The following EML6 variants were observed in gnomAD, a reference collection of about 807,000 sequenced individuals.
EML6 encodes EMAP like 6.
In EML6, 154 loss-of-function variants were observed where a neutral mutation model predicts 240.1. The ratio of observed to expected loss-of-function variants is 0.64; its 90% CI spans 0.56 to 0.73. EML6 has a LOEUF of 0.73. Among genes scored for constraint, EML6 ranks in the 30% least tolerant of loss-of-function variants. The probability of loss-of-function intolerance (pLI) is 0.00; values close to 1 mark genes in which losing one functional copy is unlikely to be tolerated. For synonymous variants in EML6, 1,148 were observed against 899.0 expected (o/e 1.28, Z -4.95); for missense variants, 2,964 against 2,474.6 (o/e 1.20, Z -4.20).
intron 28 of EML6, among the ~76,000 whole-genome samples, chr2:54,946,474 C>T (rs889750458): frequency 6.6e-6 from 1 of 152,230 alleles, no homozygotes; most frequent in Non-Finnish European, 1.5e-5. Context: ...TTCAGAGTCC[C>T]ATTTCTGATG....
chr2:54,789,786 T>G (rs1347191532), intron 2 of EML6, among the ~76,000 whole-genome samples: 2 of 152,214 alleles, frequency 1.3e-5, no homozygotes, highest in Non-Finnish European at 2.9e-5. Flanking sequence ...ATAGGTAGAA[T>G]AGAAGGAATT....
chr2:54,802,821 C>T (rs980044752), intron 2 of EML6, among the ~76,000 whole-genome samples: 4 of 152,130 alleles, frequency 2.6e-5, no homozygotes, highest in African/African-American at 9.7e-5. Context: ...AAAACTACAG[C>T]ATGTTCTCAA....
intron 14 of EML6, chr2:54,867,415 A>T (rs1671029149): frequency 6.6e-6 from 1 of 152,270 alleles, no homozygotes; most frequent in Non-Finnish European, 1.5e-5. Flanking sequence ...CAGTCCTTTA[A>T]ATGGATGCAA....
intron 34 of EML6, among the ~76,000 whole-genome samples, chr2:54,959,785 G>A (rs10198636): frequency 0.89 from 134,942 of 151,934 alleles, 59,931 homozygotes; most frequent in Middle Eastern, 0.97. Flanking sequence ...TAAATTAAAA[G>A]AAAATCTTGA....
intron 26 of EML6, among the ~76,000 whole-genome samples, chr2:54,920,071 A>C (rs1573143846): frequency 6.6e-6 from 1 of 152,250 alleles, no homozygotes; most frequent in Non-Finnish European, 1.5e-5. Context: ...AGAATTAAGA[A>C]AGAAAAATAA....
chr2:54,885,945 A>G (rs1447602095), intron 17 of EML6, among the ~76,000 whole-genome samples: 1 of 152,024 alleles, frequency 6.6e-6, no homozygotes, highest in East Asian at 1.9e-4. Flanking sequence ...GAGCCCCAAA[A>G]TTCCATCTCT....
At chr2:54,826,866 A>G (rs1483318585) in intron 5 of EML6, among the ~76,000 whole-genome samples, 1 of 152,164 alleles carries the variant, frequency 6.6e-6, no homozygotes, top group Non-Finnish European at 1.5e-5. Flanking sequence ...TTCCAAATAT[A>G]TGTACACTAA....
chr2:54,762,064 A>AT (rs2103762145), intron 2 of EML6, among the ~76,000 whole-genome samples: 1 of 151,996 alleles, frequency 6.6e-6, no homozygotes, highest in East Asian at 1.9e-4. Flanking sequence ...CTTTAGGGCA[A>AT]TTTTTTTCTG....
intron 2 of EML6, among the ~76,000 whole-genome samples, chr2:54,790,633 T>C (rs994010892): frequency 5.3e-5 from 8 of 152,118 alleles, no homozygotes; most frequent in African/African-American, 1.9e-4. Context: ...TTTGACGTAC[T>C]TATCACCAGG....
At position 54,801,764 on chromosome 2, in the gene EML6, G is replaced by A. The variant is rs145573331; in HGVS notation, c.198-11468G>A. ...ATTTTTCAAAACCAACATCACAAAC[G>A]TGGTTATTATTTTGTAGCTAATTTG... On this transcript the variant is annotated intron_variant, in intron 2 of 41. Transcript: ENST00000356458. Among the ~76,000 whole-genome samples, 951 of 152,272 alleles carry A rather than the reference G, an allele frequency of 6.2e-3. 2 individuals are homozygous for A. The highest frequency in any genetic ancestry group is 0.021 in the South Asian group (103 of 4,822).
chr2:54,904,383 C>G (rs1405354738), intron 24 of EML6, among the ~76,000 whole-genome samples: 1 of 152,172 alleles, frequency 6.6e-6, no homozygotes, highest in East Asian at 1.9e-4. Context: ...GCATTCCCAC[C>G]TTCAGAGACG....
rs1033989241 is a variant in EML6, at chr2:54,864,762, C to T, written c.1932+873C>T. 2.0e-5 allele frequency among the ~76,000 whole-genome samples: 3 copies of T among 152,220 alleles called. No individual in the cohort carries two copies. The East Asian group carries it at 5.8e-4, about 29-fold the overall frequency. On this transcript the variant is annotated intron_variant, in intron 13 of 41. Coordinates refer to ENST00000356458, the MANE Select transcript of EML6 (RefSeq NM_001039753.4). ...TGTCGTATTAGGATAACAATGCTTA[C>T]CTAGGCTTATCTCCAAAGTGCACAT...
chr2:54,862,327 G>T, intron 12 of EML6, among the ~76,000 whole-genome samples: 1 of 104,680 alleles, frequency 9.6e-6, no homozygotes, highest in Admixed American at 1.4e-4. Context: ...GACATAACAT[G>T]ACTCCATCTC....
intron 19 of EML6, 62 bp from the exon 20 acceptor site, chr2:54,894,853 G>A (rs1672676733): frequency 8.6e-7 from 1 of 1,157,468 alleles, no homozygotes; most frequent in South Asian, 1.4e-5. Context: ...ATCCTCCTGG[G>A]GCCAAGTGGG....
At chr2:54,810,720 A>G (rs960402495) in intron 2 of EML6, among the ~76,000 whole-genome samples, 19 of 152,144 alleles carry the variant, frequency 1.2e-4, no homozygotes, top group Admixed American at 9.8e-4. Context: ...TCCCTCTTCA[A>G]GTATTTTGTT....
Position 54,847,595 on chromosome 2 carries a change from G to A in EML6, c.1159G>A (p.Asp387Asn). The change falls in exon 9 of 42, where the codon GAC (aspartate) becomes AAC (asparagine). Residue 387 changes from aspartate (D) to asparagine (N), a missense_variant. Physicochemically the swap from Asp to Asn is conservative, Grantham distance 23. Transcript: ENST00000356458. ...DGSQLALGMK[D>N]GSFIVLRVRD... is the part of the protein sequence containing the mutation. ...ATCTCAGCTGGCCCTGGGCATGAAG[G>A]ACGGCTCTTTCATTGTTCTCCGAGT... is the stretch of plus-strand genomic sequence containing the variant. 1 of 1,552,328 alleles carries A rather than the reference G, an allele frequency of 6.4e-7. No homozygotes were observed. Among genetic ancestry groups the A allele is most frequent in the Non-Finnish European group, 8.7e-7 (1 of 1,147,136 alleles).
intron 24 of EML6, among the ~76,000 whole-genome samples, chr2:54,909,983 C>T (rs1673553842): frequency 6.6e-6 from 1 of 150,678 alleles, no homozygotes; most frequent in Non-Finnish European, 1.5e-5. Flanking sequence ...AAAGATATTT[C>T]AAAACTACTA....
At chr2:54,868,846 G>A (rs771075929) in intron 14 of EML6, 7 of 222,778 alleles carry the variant, frequency 3.1e-5, no homozygotes, top group South Asian at 1.4e-4. Context: ...TGCAGTGGGC[G>A]GAAGGCATTT....
intron 11 of EML6, among the ~76,000 whole-genome samples, chr2:54,854,728 A>G (rs916610638): frequency 2.6e-5 from 4 of 152,278 alleles, no homozygotes; most frequent in South Asian, 4.1e-4. Context: ...CATAAAATGC[A>G]TAACAAGACA....
Sources: allele counts gnomAD v4.1 joint callset (sites outside exome capture counted in the v4.1 genomes callset), GRCh38; gene constraint gnomAD v4.1.1; transcripts MANE v1.5; gene names NCBI Gene and HGNC (gene_info 2026-07-23, HGNC 2026-07-21).